The following POU2F3 variants were observed in gnomAD, a reference collection of about 807,000 sequenced individuals.
POU2F3 encodes POU domain, class 2, transcription factor 3.
A neutral mutation model predicts 59.2 loss-of-function variants in POU2F3; 23 were observed. That is an observed-to-expected ratio of 0.39 (90% CI 0.28 to 0.55). The LOEUF is 0.55. POU2F3 is among the 20% of genes least tolerant of loss of function. POU2F3 has a pLI of 0.66. For missense variants in POU2F3, 473 were observed against 544.5 expected, an observed-to-expected ratio of 0.87 and a Z score of 1.31; for synonymous variants, 190 against 214.6, an observed-to-expected ratio of 0.89 and a Z score of 1.00.
rs533355509 is a variant in POU2F3 at position 120,272,828 on chromosome 11, G to T, written c.132+3584G>T. ...TGAGAGGCAACAGGCTAAGGCCCTG[G>T]ATAGGGACTCAGAAGTCCTGGGTTC... On this transcript the variant is annotated intron_variant, in intron 3 of 12. Coordinates refer to ENST00000543440, the MANE Select transcript of POU2F3 (RefSeq NM_014352.4). Among the ~76,000 whole-genome samples the T allele has an allele frequency of 1.2e-3, 187 of 152,290 alleles. 1 individual carries two copies. The highest frequency in any genetic ancestry group is 4.4e-3 in the African/African-American group (183 of 41,562).
At chr11:120,289,060 C>T (rs968652027) in intron 3 of POU2F3, among the ~76,000 whole-genome samples, 1 of 152,102 alleles carries the variant, frequency 6.6e-6, no homozygotes, top group African/African-American at 2.4e-5. Context: ...ACTAAGAATT[C>T]GCTTTTAAAA....
rs1024696526 is a variant in POU2F3, at chr11:120,307,345, G to A, written c.770-134G>A. ...ATTCTTGGTCTGTTCTGGGCTCCCTGCTGGGGGAGGGGATTGCTCCTGAAA... is the reference window on the plus strand; with the variant it reads ...ATTCTTGGTCTGTTCTGGGCTCCCTACTGGGGGAGGGGATTGCTCCTGAAA... On this transcript the variant is annotated intron_variant, in intron 8 of 12. Transcript: ENST00000543440. 8 of 1,035,780 alleles carry A rather than the reference G, an allele frequency of 7.7e-6. No individual in the cohort carries two copies. The African/African-American group carries it at 1.1e-4, about 15-fold the overall frequency. 64.2% of individuals were successfully genotyped at this position (1,035,780 alleles called of 1,614,324 possible).
intron 12 of POU2F3, among the ~76,000 whole-genome samples, chr11:120,318,033 G>A (rs1941832814): frequency 6.6e-6 from 1 of 152,192 alleles, no homozygotes; most frequent in South Asian, 2.1e-4. Context: ...TTGGCCAATT[G>A]TTGCATAGCC....
intron 3 of POU2F3, among the ~76,000 whole-genome samples, chr11:120,295,273 C>T (rs778988889): frequency 1.3e-5 from 2 of 152,230 alleles, no homozygotes; most frequent in Non-Finnish European, 2.9e-5. Flanking sequence ...TCTGTCATAG[C>T]TGCCTCTCCT....
At chr11:120,295,319 A>T (rs375809237) in intron 3 of POU2F3, among the ~76,000 whole-genome samples, 107 of 151,860 alleles carry the variant, frequency 7.0e-4, no homozygotes, top group African/African-American at 2.4e-3. Context: ...CTACAGAGGA[A>T]CCCTGCCACT....
At chr11:120,247,249 A>G (rs899456747) in intron 2 of POU2F3, among the ~76,000 whole-genome samples, 3 of 152,232 alleles carry the variant, frequency 2.0e-5, no homozygotes, top group African/African-American at 7.2e-5. Context: ...AAATAACTTT[A>G]ATAGCATTCC....
intron 6 of POU2F3, chr11:120,303,280 C>G (rs1254825936): frequency 6.6e-6 from 1 of 152,214 alleles, no homozygotes; most frequent in Non-Finnish European, 1.5e-5. Context: ...TCTCCAGAAT[C>G]TCATAGCCAT....
chr11:120,277,274 G>C (rs1258416560), intron 3 of POU2F3, among the ~76,000 whole-genome samples: 1 of 151,806 alleles, frequency 6.6e-6, no homozygotes, highest in Non-Finnish European at 1.5e-5. Flanking sequence ...CTGGGTGATA[G>C]AGCCAGACTC....
chr11:120,276,115 G>A (rs533969366), intron 3 of POU2F3, among the ~76,000 whole-genome samples: 4 of 152,298 alleles, frequency 2.6e-5, no homozygotes, highest in Admixed American at 2.0e-4. Context: ...GAGGGTCCGT[G>A]GTGATGGCAG....
At chr11:120,294,534 C>A (rs1466073129) in intron 3 of POU2F3, among the ~76,000 whole-genome samples, 2 of 152,212 alleles carry the variant, frequency 1.3e-5, no homozygotes, top group East Asian at 3.8e-4. Context: ...CAATGGGATC[C>A]AACAGAAGTC....
chr11:120,270,790 T>C (rs1248899062), intron 3 of POU2F3, among the ~76,000 whole-genome samples: 1 of 152,138 alleles, frequency 6.6e-6, no homozygotes, highest in African/African-American at 2.4e-5. Flanking sequence ...CTTCTGGGGC[T>C]CAACCAATCC....
intron 3 of POU2F3, among the ~76,000 whole-genome samples, chr11:120,284,488 G>A (rs1940704158): frequency 6.6e-6 from 1 of 152,180 alleles, no homozygotes; most frequent in South Asian, 2.1e-4. Flanking sequence ...TATTTACAGA[G>A]GCATCTCAGT....
chr11:120,279,774 A>G (rs565678878), intron 3 of POU2F3, among the ~76,000 whole-genome samples: 91 of 152,338 alleles, frequency 6.0e-4, no homozygotes, highest in African/African-American at 2.0e-3. Context: ...GCACAGAGGA[A>G]CAGGAACAGC....
At chr11:120,269,926 G>A (rs961032738) in intron 3 of POU2F3, among the ~76,000 whole-genome samples, 14 of 152,060 alleles carry the variant, frequency 9.2e-5, no homozygotes, top group African/African-American at 2.9e-4. Flanking sequence ...GGAAGATGGC[G>A]GGGTGGGAGG....
intron 10 of POU2F3, among the ~76,000 whole-genome samples, chr11:120,312,522 G>A (rs1941676962): frequency 1.3e-5 from 2 of 152,214 alleles, no homozygotes; most frequent in African/African-American, 2.4e-5. Context: ...TAGAGGGGCT[G>A]ATGAGTGTGG....
intron 10 of POU2F3, 135 bp from the exon 11 acceptor site, chr11:120,315,226 C>A (rs1941753893): frequency 3.9e-6 from 3 of 771,494 alleles, no homozygotes; most frequent in Non-Finnish European, 6.5e-6. Context: ...AGGAGGATGG[C>A]ATGTAGGCTA....
At chr11:120,236,766 A>C (rs1177671876), upstream of POU2F3, 1 of 1,398,130 alleles carries the variant, frequency 7.2e-7, no homozygotes, top group East Asian at 2.5e-5. Flanking sequence ...TCAGTGAGCA[A>C]GTCTGAGAGA....
chr11:120,304,816 T>G (rs1426451797), intron 6 of POU2F3, among the ~76,000 whole-genome samples: 2 of 152,026 alleles, frequency 1.3e-5, no homozygotes, highest in Non-Finnish European at 2.9e-5. Flanking sequence ...TACCCAGATA[T>G]TCCAGTTATT....
intron 2 of POU2F3, among the ~76,000 whole-genome samples, chr11:120,258,529 T>C (rs1254221189): frequency 6.6e-6 from 1 of 152,184 alleles, no homozygotes; most frequent in Non-Finnish European, 1.5e-5. Context: ...CTGGTTCCTC[T>C]CTAGCACAAA....
Sources: allele counts gnomAD v4.1 joint callset (sites outside exome capture counted in the v4.1 genomes callset), GRCh38; gene constraint gnomAD v4.1.1; transcripts MANE v1.5; gene names NCBI Gene and HGNC (gene_info 2026-07-23, HGNC 2026-07-21).